CDC16: variants seen among roughly 807,000 people sequenced by gnomAD.
The protein encoded by CDC16 is cell division cycle protein 16 homolog.
A neutral mutation model predicts 87.0 loss-of-function variants in CDC16; 34 were observed. That is an observed-to-expected ratio of 0.39 (90% CI 0.30 to 0.52). CDC16 has a LOEUF of 0.52. CDC16 is among the 20% of genes least tolerant of loss of function. The pLI, the probability that CDC16 is intolerant of heterozygous loss-of-function variation, is 0.74. For synonymous variants in CDC16, 263 were observed against 260.6 expected (o/e 1.01, Z -0.09); for missense variants, 653 against 751.9 (o/e 0.87, Z 1.54).
At chr13:114,264,525 AT>A (rs17338312) in intron 16 of CDC16, among the ~76,000 whole-genome samples, 7,199 of 151,942 alleles carry the variant, frequency 0.047, 489 homozygotes, top group East Asian at 0.35. Context: ...GCGCCACTGC[AT>A]TCCAGCCTGG....
At chr13:114,240,591 C>T (rs1235433224) in intron 5 of CDC16, among the ~76,000 whole-genome samples, 1 of 152,150 alleles carries the variant, frequency 6.6e-6, no homozygotes, top group Non-Finnish European at 1.5e-5. Flanking sequence ...CTCCTGGGCT[C>T]AAGTGATCCT....
chr13:114,257,535 CTG>C (rs2082580393), intron 13 of CDC16, among the ~76,000 whole-genome samples: 1 of 152,116 alleles, frequency 6.6e-6, no homozygotes, highest in South Asian at 2.1e-4. Context: ...TTAGTTATCT[CTG>C]TGTTGATAAG....
At chr13:114,268,212 TC>T (rs1391143231) in intron 17 of CDC16, among the ~76,000 whole-genome samples, 3 of 152,082 alleles carry the variant, frequency 2.0e-5, no homozygotes, top group African/African-American at 7.2e-5. Flanking sequence ...AAATGAAGGC[TC>T]TCTAGAGAGG....
intron 10 of CDC16, among the ~76,000 whole-genome samples, chr13:114,246,455 T>C (rs1219421139): frequency 6.6e-6 from 1 of 152,206 alleles, no homozygotes; most frequent in African/African-American, 2.4e-5. Flanking sequence ...CAAACTGTCA[T>C]GGATCGGAAT....
intron 13 of CDC16, among the ~76,000 whole-genome samples, chr13:114,258,299 GCAGACATGCC>G (rs1322499033): frequency 2.0e-5 from 3 of 152,194 alleles, no homozygotes; most frequent in African/African-American, 4.8e-5. Flanking sequence ...TGAGCCATTG[GCAGACATGCC>G]CAGGGCTGGG....
chr13:114,242,226 T>C lies in CDC16; in HGVS notation c.487T>C (p.Cys163Arg). ...YKEALKLDVY[C>R]FEAFDLLTSH... is the part of the protein sequence containing the mutation. ...AGAAGCTTTGAAGCTTGATGTCTAC[T>C]GTTTTGAAGCGTTCGATCTTTTAAC... The change falls in exon 6 of 18, where the codon TGT becomes CGT. Residue 163 changes from cysteine (C) to arginine (R), a missense_variant. Physicochemically the swap from Cys to Arg is radical, Grantham distance 180. Transcript: ENST00000356221. 1 of 1,614,212 alleles carries C rather than the reference T, an allele frequency of 6.2e-7. No homozygotes were observed. Among genetic ancestry groups the C allele is most frequent in the Non-Finnish European group, 8.5e-7 (1 of 1,180,028 alleles).
At chr13:114,247,738 ATAG>A (rs1304920129) in intron 11 of CDC16, among the ~76,000 whole-genome samples, 1 of 152,086 alleles carries the variant, frequency 6.6e-6, no homozygotes, top group Non-Finnish European at 1.5e-5. Context: ...TTAGCCAGAT[ATAG>A]TAGTGGGCAT....
At chr13:114,238,817 G>A (rs17337821) in intron 3 of CDC16, among the ~76,000 whole-genome samples, 173 bp from the exon 4 acceptor site, 5 of 152,150 alleles carry the variant, frequency 3.3e-5, no homozygotes, top group Non-Finnish European at 7.4e-5. Context: ...TTGGTGCCTA[G>A]TAAACAGTAG....
At chr13:114,235,871 T>C (rs1311891568) in intron 1 of CDC16, among the ~76,000 whole-genome samples, 5 of 152,218 alleles carry the variant, frequency 3.3e-5, no homozygotes, top group Non-Finnish European at 5.9e-5. Context: ...CTGATCACTT[T>C]TTCTTCGGTA....
At chr13:114,249,135 C>T (rs2082024732) in intron 11 of CDC16, among the ~76,000 whole-genome samples, 1 of 151,674 alleles carries the variant, frequency 6.6e-6, no homozygotes, top group East Asian at 1.9e-4. Flanking sequence ...TAGATGGTCC[C>T]ATCTGGGAGA....
intron 15 of CDC16, among the ~76,000 whole-genome samples, chr13:114,262,151 T>G (rs2082894850): frequency 6.6e-6 from 1 of 152,206 alleles, no homozygotes; most frequent in South Asian, 2.1e-4. Flanking sequence ...GAATTTTACT[T>G]TTTTATATGA....
chr13:114,245,005 CAT>C, intron 9 of CDC16, 36 bp downstream of exon 9: 1 of 1,234,474 alleles, frequency 8.1e-7, no homozygotes, highest in Non-Finnish European at 1.2e-6. Flanking sequence ...AATTCTTAGA[CAT>C]AAAACAAATC....
chr13:114,250,489 C>CT (rs2082112119), intron 11 of CDC16, 60 bp from the exon 12 acceptor site: 2 of 1,331,586 alleles, frequency 1.5e-6, no homozygotes, highest in Admixed American at 2.2e-5. Context: ...GAGACTTTGT[C>CT]TCAAAAAAAA....
At chr13:114,253,373 G>A (rs77155217) in intron 12 of CDC16, among the ~76,000 whole-genome samples, 6,767 of 151,800 alleles carry the variant, frequency 0.045, 183 homozygotes, top group Middle Eastern at 0.1. Flanking sequence ...AACATACTTC[G>A]TGTGATTTTA....
intron 11 of CDC16, among the ~76,000 whole-genome samples, chr13:114,249,864 T>C (rs1259110106): frequency 6.6e-6 from 1 of 152,250 alleles, no homozygotes; most frequent in African/African-American, 2.4e-5. Context: ...CATAAAAAGC[T>C]GTGGATCTCC....
chr13:114,253,122 A>C (rs988990669), intron 12 of CDC16, among the ~76,000 whole-genome samples: 17 of 152,212 alleles, frequency 1.1e-4, no homozygotes, highest in African/African-American at 3.9e-4. Context: ...TAGCTCATCA[A>C]GATAAGCATT....
intron 17 of CDC16, among the ~76,000 whole-genome samples, chr13:114,267,525 T>C (rs570014826): frequency 6.6e-6 from 1 of 152,208 alleles, no homozygotes; most frequent in South Asian, 2.1e-4. Context: ...GTATTGGTAG[T>C]TATGCATATT....
intron 12 of CDC16, among the ~76,000 whole-genome samples, chr13:114,254,016 G>A (rs2082352874): frequency 6.6e-6 from 1 of 152,050 alleles, no homozygotes; most frequent in Non-Finnish European, 1.5e-5. Flanking sequence ...GTATTTTCTT[G>A]ATGGATTGAG....
chr13:114,240,460 C>T (rs2081488397), intron 5 of CDC16, among the ~76,000 whole-genome samples: 1 of 152,134 alleles, frequency 6.6e-6, no homozygotes, highest in South Asian at 2.1e-4. Flanking sequence ...TTGCCCACCT[C>T]GGCCTCCCAA....
Sources: gnomAD v4.1 joint callset for allele counts (sites outside exome capture counted in the v4.1 genomes callset) on GRCh38, gnomAD v4.1.1 for gene constraint, MANE v1.5 for transcripts, NCBI Gene and HGNC (gene_info 2026-07-23, HGNC 2026-07-21) for gene names.